Variants in CSPP1 observed in about 807,000 individuals in gnomAD.
The protein encoded by CSPP1 is centrosome and spindle pole-associated protein 1.
In CSPP1, 126 loss-of-function variants were observed where a neutral mutation model predicts 164.4. The observed-to-expected ratio is 0.77, with a 90% confidence interval of 0.66 to 0.89. The LOEUF is 0.89. CSPP1 is among the 40% of genes least tolerant of loss of function. The probability of loss-of-function intolerance (pLI) is 0.00; values close to 1 mark genes in which losing one functional copy is unlikely to be tolerated. For missense variants in CSPP1, 1,395 were observed against 1,449.8 expected (o/e 0.96, Z 0.61); for synonymous variants, 472 against 476.7 (o/e 0.99, Z 0.13).
chr8:67,189,058 A>G (rs1835474767), intron 28 of CSPP1, among the ~76,000 whole-genome samples: 1 of 152,156 alleles, frequency 6.6e-6, no homozygotes, highest in Non-Finnish European at 1.5e-5. Flanking sequence ...AAGAATGTAA[A>G]TTAAAATGAG....
intron 1 of CSPP1, among the ~76,000 whole-genome samples, chr8:67,072,192 C>A (rs1806940900): frequency 1.3e-5 from 2 of 151,856 alleles, no homozygotes; most frequent in Non-Finnish European, 2.9e-5. Context: ...GCTCAGGAGG[C>A]TGAGGCAGGA....
chr8:67,095,442 A>G lies in CSPP1; in HGVS notation c.633A>G (p.Arg211=), dbSNP rs1201198876. 3.7e-6 allele frequency: 6 copies of G among 1,613,508 alleles called. No individual in the cohort carries two copies. The highest frequency in any genetic ancestry group is 5.1e-6 in the Non-Finnish European group (6 of 1,179,906). Residue 211 remains arginine, a synonymous_variant, in exon 7 of 31, where the codon CGA becomes CGG. Transcript: ENST00000678616. ...ATGAAGAACTTCTGAACCAAAGACG[A>G]CTAGAGGAGGACAGATACCGACAAC... ...EAYEELLNQR[R]LEEDRYRQLD...
chr8:67,167,933 G>A (rs1311527119), intron 24 of CSPP1, among the ~76,000 whole-genome samples: 8 of 152,130 alleles, frequency 5.3e-5, no homozygotes, highest in Non-Finnish European at 1.0e-4. Context: ...CACTTTGGGA[G>A]GCCAAGGCAG....
At chr8:67,147,409 T>C (rs1192376653) in intron 17 of CSPP1, among the ~76,000 whole-genome samples, 1 of 152,206 alleles carries the variant, frequency 6.6e-6, no homozygotes, top group Non-Finnish European at 1.5e-5. Flanking sequence ...CTGAACATGC[T>C]TAGGTCACTT....
In CSPP1 at chr8:67,149,862, T is replaced by A; in HGVS notation, c.2055T>A (p.Ala685=). Residue 685 remains alanine, a synonymous_variant, in exon 18 of 31, where the codon GCT becomes GCA. Coordinates refer to ENST00000678616, the MANE Select transcript of CSPP1 (RefSeq NM_001382391.1). ...PDARTYEDKR[A]VVSLDPNLAT... ...CAAGAACATATGAAGATAAAAGGGC[T>A]GTTGTATCTCTAGACCCAAATTTAG... 1 of 1,608,724 alleles carries A rather than the reference T, an allele frequency of 6.2e-7. No homozygotes were observed. Among genetic ancestry groups the A allele is most frequent in the South Asian group, 1.1e-5 (1 of 89,974 alleles).
intron 5 of CSPP1, among the ~76,000 whole-genome samples, chr8:67,092,194 A>G (rs749916856): frequency 1.3e-5 from 2 of 152,106 alleles, no homozygotes; most frequent in Admixed American, 6.6e-5. Context: ...AGTTTATGCT[A>G]TGTAACACAG....
chr8:67,192,226 C>A (rs1041900945), intron 29 of CSPP1, among the ~76,000 whole-genome samples: 10 of 152,016 alleles, frequency 6.6e-5, no homozygotes, highest in Admixed American at 3.9e-4. Flanking sequence ...AGGTGCATGC[C>A]AACACGCCTG....
At chr8:67,078,974 TAAAAA>T (rs539954750) in intron 3 of CSPP1, among the ~76,000 whole-genome samples, 1 of 150,482 alleles carries the variant, frequency 6.6e-6, no homozygotes, top group African/African-American at 2.4e-5. Context: ...TCCATCTCAA[TAAAAA>T]AAAAGAGTAG....
intron 1 of CSPP1, among the ~76,000 whole-genome samples, chr8:67,068,191 T>C (rs1805987995): frequency 6.6e-6 from 1 of 152,232 alleles, no homozygotes; most frequent in African/African-American, 2.4e-5. Flanking sequence ...GTCATAATTT[T>C]TATATGCATT....
intron 5 of CSPP1, among the ~76,000 whole-genome samples, chr8:67,092,349 G>T (rs1023143887): frequency 5.3e-5 from 8 of 150,208 alleles, no homozygotes; most frequent in Admixed American, 2.6e-4. Context: ...TACACCTCTT[G>T]TAGTGACTCA....
chr8:67,080,056 T>G (rs1303460922), intron 3 of CSPP1, among the ~76,000 whole-genome samples: 2 of 152,232 alleles, frequency 1.3e-5, no homozygotes, highest in Admixed American at 6.5e-5. Context: ...GCATAAGCAT[T>G]TAGTTACTGA....
chr8:67,117,376 C>A (rs956341875), intron 13 of CSPP1, among the ~76,000 whole-genome samples: 1 of 152,076 alleles, frequency 6.6e-6, no homozygotes, highest in Non-Finnish European at 1.5e-5. Flanking sequence ...CAAGGGAGAA[C>A]CTGTTAAGAT....
Position 67,095,206 on chromosome 8 carries a change from G to A in CSPP1, c.484-87G>A, listed in dbSNP as rs72654941. On this transcript the variant is annotated intron_variant, in intron 6 of 30. Transcript: ENST00000678616. ...AATAAACATCAGAGTTGAAATGATA[G>A]ACTAAGTATAAATTGAGGGTTTAAT... is the stretch of plus-strand genomic sequence containing the variant. The A allele has an allele frequency of 0.1, 69,368 of 674,440 alleles. 4,224 individuals carry two copies. The highest frequency in any genetic ancestry group is 0.12 in the Middle Eastern group (305 of 2,568). 41.8% of individuals were successfully genotyped at this position (674,440 alleles called of 1,614,324 possible).
intron 15 of CSPP1, among the ~76,000 whole-genome samples, chr8:67,128,716 A>G (rs985749538): frequency 6.6e-6 from 1 of 152,162 alleles, no homozygotes; most frequent in African/African-American, 2.4e-5. Context: ...ATTAGCACAG[A>G]CACAAGGATC....
chr8:67,161,749 G>T, intron 21 of CSPP1, 62 bp from the exon 22 acceptor site: 1 of 819,218 alleles, frequency 1.2e-6, no homozygotes, highest in Non-Finnish European at 2.1e-6. Context: ...GTGTGTGTGT[G>T]TGTATATATG....
chr8:67,146,679 C>T (rs1011307895), intron 17 of CSPP1, among the ~76,000 whole-genome samples: 3 of 152,076 alleles, frequency 2.0e-5, no homozygotes. Flanking sequence ...CATATCTCAG[C>T]CCTTCACAAA....
In CSPP1 at chr8:67,195,750, TAAATA is replaced by T. The variant is rs1424580866; in HGVS notation, c.*161_*165del. The T allele has an allele frequency of 1.5e-5, 9 of 610,930 alleles. No individual in the cohort carries two copies. In the African/African-American group the frequency reaches 1.7e-4, roughly 11 times the overall value. 37.8% of individuals were successfully genotyped at this position (610,930 alleles called of 1,614,324 possible). ...TTTATCATGATGTATATTATGTACA[TAAATA>T]AAAGGCCATGATTATTGATTTATAT... On this transcript the variant is annotated 3_prime_UTR_variant, in exon 31 of 31. Transcript: ENST00000678616.
intron 3 of CSPP1, among the ~76,000 whole-genome samples, chr8:67,077,716 A>G (rs1317293443): frequency 6.6e-6 from 1 of 152,254 alleles, no homozygotes; most frequent in Non-Finnish European, 1.5e-5. Flanking sequence ...ATCAACTATG[A>G]TAAGTTCATT....
chr8:67,183,608 A>G (rs891428321), intron 28 of CSPP1, among the ~76,000 whole-genome samples: 6 of 152,216 alleles, frequency 3.9e-5, no homozygotes, highest in African/African-American at 1.2e-4. Context: ...CTAAATGAAA[A>G]TGAAAATACA....
Sources: allele counts gnomAD v4.1 joint callset (sites outside exome capture counted in the v4.1 genomes callset), GRCh38; gene constraint gnomAD v4.1.1; transcripts MANE v1.5; gene names NCBI Gene and HGNC (gene_info 2026-07-23, HGNC 2026-07-21).